Variants in KLK3 observed in about 807,000 individuals in gnomAD.
KLK3 encodes prostate-specific antigen.
In KLK3, 23 loss-of-function variants were observed where a neutral mutation model predicts 27.7. That is an observed-to-expected ratio of 0.83 (90% CI 0.60 to 1.17). The LOEUF (loss-of-function observed/expected upper bound fraction) is 1.17. Among genes scored for constraint, KLK3 ranks in the 50% most tolerant of loss-of-function variants. The pLI is 0.00. For synonymous variants in KLK3, 142 were observed against 134.2 expected (o/e 1.06, Z -0.40); for missense variants, 322 against 338.1 (o/e 0.95, Z 0.37).
rs577778784 is a variant in KLK3 at position 50,856,359 on chromosome 19, C to T, written c.166C>T (p.His56Tyr). The T allele has an allele frequency of 1.2e-6, 2 of 1,613,790 alleles. No individual in the cohort carries two copies. The highest frequency in any genetic ancestry group is 1.3e-5 in the African/African-American group (1 of 75,036). Residue 56 changes from histidine to tyrosine, a missense_variant, in exon 2 of 5, where the codon CAC becomes TAC. Transcript: ENST00000326003. Reference protein sequence around the residue: ...GRAVCGGVLVHPQWVLTAAHC... With the variant: ...GRAVCGGVLVYPQWVLTAAHC... ...GGCAGTCTGCGGCGGTGTTCTGGTG[C>T]ACCCCCAGTGGGTCCTCACAGCTGC... is the stretch of plus-strand genomic sequence containing the variant.
In KLK3 at chr19:50,856,259, G is replaced by T; in HGVS notation, c.66G>T (p.Leu22=). The change falls in exon 2 of 5, where the codon CTG becomes CTT. Residue 22 remains leucine, a synonymous_variant. Coordinates refer to ENST00000326003, the MANE Select transcript of KLK3 (RefSeq NM_001648.2). The part of the protein sequence containing the change: ...VTWIGAAPLI[L]SRIVGGWECE... ...CTGCAGGTGCTGCACCCCTCATCCT[G>T]TCTCGGATTGTGGGAGGCTGGGAGT... 1.2e-6 allele frequency: 2 copies of T among 1,612,772 alleles called. No homozygotes were observed. Among genetic ancestry groups the T allele is most frequent in the Non-Finnish European group, 1.7e-6 (2 of 1,179,910 alleles).
chr19:50,856,284 T>A lies in KLK3; in HGVS notation c.91T>A (p.Cys31Ser), dbSNP rs1234450221. Residue 31 changes from cysteine (C) to serine (S), a missense_variant, in exon 2 of 5, where the codon TGC becomes AGC. By Grantham distance (112) the Cys-to-Ser change is moderately radical (BLOSUM62 -1). Coordinates refer to ENST00000326003, the MANE Select transcript of KLK3 (RefSeq NM_001648.2). ...GTCTCGGATTGTGGGAGGCTGGGAG[T>A]GCGAGAAGCATTCCCAACCCTGGCA... ...ILSRIVGGWE[C>S]EKHSQPWQVL... 2.5e-6 allele frequency: 4 copies of A among 1,612,834 alleles called. No individual in the cohort carries two copies. The highest frequency in any genetic ancestry group is 3.4e-6 in the Non-Finnish European group (4 of 1,179,960).
chr19:50,859,699 G>A (rs45588133), intron 4 of KLK3: 130,951 of 1,582,234 alleles, frequency 0.083, 5,677 homozygotes, highest in Middle Eastern at 0.13. Flanking sequence ...TTGTCCCACC[G>A]ACCTGTCTAC....
chr19:50,858,319 C>T lies in KLK3; in HGVS notation c.493+4C>T, dbSNP rs375786338. 3.0e-5 allele frequency: 48 copies of T among 1,610,460 alleles called. No individual in the cohort carries two copies. The highest frequency in any genetic ancestry group is 1.2e-4 in the African/African-American group (9 of 74,950). On this transcript the variant is annotated splice_donor_region_variant and intron_variant, in intron 3 of 4. Coordinates refer to ENST00000326003, the MANE Select transcript of KLK3 (RefSeq NM_001648.2). ...GGCAGCATTGAACCAGAGGAGTGTA[C>T]GCCTGGGCCAGATGGTGCAGCCGGG... is the stretch of plus-strand genomic sequence containing the variant.
In KLK3 at chr19:50,856,373, C is replaced by G; in HGVS notation, c.180C>G (p.Val60=). The stretch of plus-strand genomic sequence containing the variant: ...GTGTTCTGGTGCACCCCCAGTGGGT[C>G]CTCACAGCTGCCCACTGCATCAGGA... The part of the protein sequence containing the change: ...CGGVLVHPQW[V]LTAAHCIRNK... The change falls in exon 2 of 5, where the codon GTC becomes GTG. Residue 60 remains valine, a synonymous_variant. Transcript: ENST00000326003. 1 of 1,613,864 alleles carries G rather than the reference C, an allele frequency of 6.2e-7. No individual in the cohort carries two copies. Among genetic ancestry groups the G allele is most frequent in the South Asian group, 1.1e-5 (1 of 91,056 alleles).
intron 4 of KLK3, chr19:50,859,587 TC>T: frequency 1.2e-6 from 2 of 1,613,772 alleles, no homozygotes; most frequent in Non-Finnish European, 1.7e-6. Flanking sequence ...CCTCCATGGC[TC>T]CCTAGTGCCC....
chr19:50,856,582 G>A, intron 2 of KLK3, 183 bp downstream of exon 2: 1 of 604,792 alleles, frequency 1.7e-6, no homozygotes, highest in Non-Finnish European at 2.8e-6. Flanking sequence ...GGCTGCCTGG[G>A]TCTCCATCTG....
At chr19:50,858,657 C>A in intron 4 of KLK3, 62 bp downstream of exon 4, 1 of 1,598,578 alleles carries the variant, frequency 6.3e-7, no homozygotes, top group Admixed American at 1.7e-5. Flanking sequence ...TAATTCTGGG[C>A]TGGGGTCTAG....
In KLK3 at chr19:50,860,385, G is replaced by T; in HGVS notation, c.*258G>T. On this transcript the variant is annotated 3_prime_UTR_variant, in exon 5 of 5. Transcript: ENST00000326003. The stretch of plus-strand genomic sequence containing the variant: ...TCTCTGAGGACACAGATAGGATGGG[G>T]TGTCTGTGTTATTTGTGGGGTACAG... 3 of 376,188 alleles carry T rather than the reference G, an allele frequency of 8.0e-6. No individual in the cohort carries two copies. The highest frequency in any genetic ancestry group is 4.5e-5 in the East Asian group (1 of 22,236). 23.3% of individuals were successfully genotyped at this position (376,188 alleles called of 1,614,324 possible). A position where few individuals can be genotyped will look rare whatever the true frequency, so the allele number is the denominator to read the frequency against.
Position 50,858,306 on chromosome 19 carries a change from C to A in KLK3, c.484C>A (p.Pro162Thr). The A allele has an allele frequency of 6.2e-7, 1 of 1,613,096 alleles. No individual in the cohort carries two copies. Among genetic ancestry groups the A allele is most frequent in the Non-Finnish European group, 8.5e-7 (1 of 1,179,454 alleles). ...CGCCTCAGGCTGGGGCAGCATTGAA[C>A]CAGAGGAGTGTACGCCTGGGCCAGA... ...CYASGWGSIE[P>T]EEFLTPKKLQ... is the part of the protein sequence containing the mutation. Residue 162 changes from proline to threonine, a missense_variant, in exon 3 of 5, where the codon CCA becomes ACA. Physicochemically the swap from Pro to Thr is conservative, Grantham distance 38. Transcript: ENST00000326003.
chr19:50,856,048 A>C, intron 1 of KLK3, 192 bp from the exon 2 acceptor site: 1 of 580,222 alleles, frequency 1.7e-6, no homozygotes, highest in African/African-American at 1.9e-5. Context: ...CCAGCCACCA[A>C]CCTGCAAACC....
At chr19:50,856,944 C>T (rs1288279256) in intron 2 of KLK3, among the ~76,000 whole-genome samples, 2 of 151,990 alleles carry the variant, frequency 1.3e-5, no homozygotes, top group African/African-American at 2.4e-5. Flanking sequence ...AGGTAGATCA[C>T]CTGAGGTCAG....
chr19:50,855,046 C>G, intron 1 of KLK3, 45 bp downstream of exon 1: 1 of 1,599,030 alleles, frequency 6.3e-7, no homozygotes, highest in Non-Finnish European at 8.6e-7. Context: ...GGGAGCCAGC[C>G]CTGACTGTCA....
chr19:50,857,973 C>T (rs1011727909), intron 2 of KLK3, 56 bp from the exon 3 acceptor site: 2 of 1,537,580 alleles, frequency 1.3e-6, no homozygotes, highest in African/African-American at 1.4e-5. Flanking sequence ...TCCTCTGTCC[C>T]TTCTCTCTTT....
rs2003783 is a variant in KLK3 at position 50,858,216 on chromosome 19, C to T, written c.394C>T (p.Leu132Phe). The T allele has an allele frequency of 2.5e-6, 4 of 1,614,128 alleles. No individual in the cohort carries two copies. The highest frequency in any genetic ancestry group is 1.7e-6 in the Non-Finnish European group (2 of 1,180,016). Residue 132 changes from leucine (L) to phenylalanine (F), a missense_variant, in exon 3 of 5, where the codon CTC becomes TTC. Physicochemically the swap from Leu to Phe is conservative, Grantham distance 22. Transcript: ENST00000326003. ...GCTCCGCCTGTCAGAGCCTGCCGAGCTCACGGATGCTGTGAAGGTCATGGA... is the reference window on the plus strand; with the variant it reads ...GCTCCGCCTGTCAGAGCCTGCCGAGTTCACGGATGCTGTGAAGGTCATGGA... ...MLLRLSEPAE[L>F]TDAVKVMDLP...
intron 2 of KLK3, chr19:50,856,664 G>T: frequency 2.2e-6 from 1 of 445,652 alleles, no homozygotes; most frequent in Non-Finnish European, 4.0e-6. Flanking sequence ...GTCTCTCCGT[G>T]TGACTATTTT....
Position 50,860,004 on chromosome 19 carries a change from T to A in KLK3, c.663T>A (p.Gly221=). 1.9e-6 allele frequency: 3 copies of A among 1,614,040 alleles called. No individual in the cohort carries two copies. The highest frequency in any genetic ancestry group is 2.5e-6 in the Non-Finnish European group (3 of 1,179,912). Residue 221 remains glycine (G), a synonymous_variant, in exon 5 of 5, where the codon GGT becomes GGA. Transcript: ENST00000326003. ...GDSGGPLVCN[G]VLQGITSWGS... ...CTGGGGGCCCACTTGTCTGTAATGG[T>A]GTGCTTCAAGGTATCACGTCATGGG... is the stretch of plus-strand genomic sequence containing the variant.
chr19:50,856,130 T>C (rs2090145043), intron 1 of KLK3, 110 bp from the exon 2 acceptor site: 2 of 936,676 alleles, frequency 2.1e-6, no homozygotes, highest in Non-Finnish European at 3.3e-6. Flanking sequence ...CCAGCCTTGG[T>C]TCTCTGCCCC....
rs1453443910 is a variant in KLK3, at chr19:50,858,470, A to C, written c.505A>C (p.Lys169Gln). 1.2e-6 allele frequency: 2 copies of C among 1,614,054 alleles called. No homozygotes were observed. The highest frequency in any genetic ancestry group is 1.7e-5 in the Admixed American group (1 of 60,012). The stretch of plus-strand genomic sequence containing the variant: ...TGCCTGGCCCGTAGTCTTGACCCCA[A>C]AGAAACTTCAGTGTGTGGACCTCCA... ...SIEPEEFLTPKKLQCVDLHVI... is the reference protein window; with the variant it reads ...SIEPEEFLTPQKLQCVDLHVI... Residue 169 changes from lysine (K) to glutamine (Q), a missense_variant, in exon 4 of 5, where the codon AAG (lysine) becomes CAG (glutamine). Physicochemically the swap from Lys to Gln is moderately conservative, Grantham distance 53. Coordinates refer to ENST00000326003, the MANE Select transcript of KLK3 (RefSeq NM_001648.2).
Sources: gnomAD v4.1 joint callset for allele counts (sites outside exome capture counted in the v4.1 genomes callset) on GRCh38, gnomAD v4.1.1 for gene constraint, MANE v1.5 for transcripts, NCBI Gene and HGNC (gene_info 2026-07-23, HGNC 2026-07-21) for gene names.